NTM: variants seen among roughly 807,000 people sequenced by gnomAD.
NTM encodes neurotrimin, also known as IgLON family member 2.
Under a neutral mutation model 42.1 loss-of-function variants are expected in NTM, and 13 were observed. That is an observed-to-expected ratio of 0.31 (90% CI 0.20 to 0.49). The LOEUF is 0.49. Among genes scored for constraint, NTM ranks in the 20% least tolerant of loss-of-function variants. The pLI is 0.99. For missense variants in NTM, 373 were observed against 452.8 expected (o/e 0.82, Z 1.60); for synonymous variants, 187 against 179.2 (o/e 1.04, Z -0.35).
intron 1 of NTM, among the ~76,000 whole-genome samples, chr11:131,437,037 T>C (rs929012601): frequency 1.3e-5 from 2 of 152,202 alleles, no homozygotes; most frequent in African/African-American, 2.4e-5. Flanking sequence ...CATTTCGTTA[T>C]TTTACACAGT....
chr11:131,593,340 G>A (rs1019479782), intron 1 of NTM, among the ~76,000 whole-genome samples: 3 of 152,166 alleles, frequency 2.0e-5, no homozygotes, highest in African/African-American at 7.2e-5. Flanking sequence ...AAGTGAGGGA[G>A]CAATTGCCTG....
chr11:131,933,262 G>A (rs557213212), intron 2 of NTM, among the ~76,000 whole-genome samples: 15 of 152,164 alleles, frequency 9.9e-5, no homozygotes, highest in Non-Finnish European at 2.1e-4. Context: ...GGAGGTGGGT[G>A]CCTGCCCTAG....
At chr11:131,931,100 A>G (rs2058549292) in intron 2 of NTM, among the ~76,000 whole-genome samples, 1 of 152,302 alleles carries the variant, frequency 6.6e-6, no homozygotes, top group South Asian at 2.1e-4. Flanking sequence ...CTAATTATTA[A>G]ATTAAAAAAT....
At chr11:131,778,114 G>T (rs570934267) in intron 1 of NTM, among the ~76,000 whole-genome samples, 9 of 152,164 alleles carry the variant, frequency 5.9e-5, no homozygotes, top group African/African-American at 9.7e-5. Context: ...AGGATGAAAA[G>T]GTAAACCTGG....
chr11:132,314,597 C>T lies in NTM; in HGVS notation c.828C>T (p.Phe276=), dbSNP rs1192144274. The change falls in exon 7 of 9, where the codon TTC becomes TTT. Residue 276 remains phenylalanine, a synonymous_variant. Transcript: ENST00000683400. ...GGGTGAAAGTGGAAAACAGACCTTT[C>T]CTCTCAAAACTCATCTTCTTCAATG... ...KKGVKVENRP[F]LSKLIFFNVS... 6.2e-7 allele frequency: 1 copy of T among 1,613,782 alleles called. No homozygotes were observed. The highest frequency in any genetic ancestry group is 1.7e-5 in the Admixed American group (1 of 59,976).
intron 1 of NTM, among the ~76,000 whole-genome samples, chr11:131,582,552 T>G (rs2058500371): frequency 1.0e-5 from 1 of 96,632 alleles, no homozygotes; most frequent in Non-Finnish European, 2.1e-5. Flanking sequence ...TGTTTTGCTT[T>G]GTTAATTTTT....
chr11:131,413,032 G>A (rs1415493489), intron 1 of NTM, among the ~76,000 whole-genome samples: 3 of 152,108 alleles, frequency 2.0e-5, no homozygotes, highest in African/African-American at 7.2e-5. Flanking sequence ...GGGTGAAGAC[G>A]AGGCAGACCT....
intron 1 of NTM, among the ~76,000 whole-genome samples, chr11:131,393,138 C>T (rs1944212790): frequency 6.6e-6 from 1 of 152,152 alleles, no homozygotes; most frequent in Non-Finnish European, 1.5e-5. Flanking sequence ...AAGCAGACTG[C>T]TGCTGCAGCC....
intron 1 of NTM, among the ~76,000 whole-genome samples, chr11:131,404,759 C>T (rs762035829): frequency 3.3e-5 from 5 of 152,274 alleles, no homozygotes; most frequent in South Asian, 2.1e-4. Context: ...GAACAAGCAC[C>T]GACTTAGTCA....
At chr11:132,067,764 G>T (rs979710163) in intron 2 of NTM, among the ~76,000 whole-genome samples, 2 of 152,186 alleles carry the variant, frequency 1.3e-5, no homozygotes, top group African/African-American at 2.4e-5. Flanking sequence ...TCTGGGCTCT[G>T]GTTCCAAAGC....
At chr11:131,920,398 A>G (rs1056575040) in intron 2 of NTM, among the ~76,000 whole-genome samples, 7 of 152,086 alleles carry the variant, frequency 4.6e-5, no homozygotes, top group African/African-American at 1.7e-4. Context: ...GCATTTGGGA[A>G]TTTTACTTTT....
intron 1 of NTM, among the ~76,000 whole-genome samples, chr11:131,436,535 T>A (rs1036503366): frequency 5.3e-4 from 81 of 152,226 alleles, no homozygotes; most frequent in Non-Finnish European, 5.6e-4. Flanking sequence ...TCCAGAAATT[T>A]ATCCGTTTCT....
At chr11:132,201,309 A>G (rs1447758028) in intron 3 of NTM, among the ~76,000 whole-genome samples, 1 of 152,198 alleles carries the variant, frequency 6.6e-6, no homozygotes, top group African/African-American at 2.4e-5. Flanking sequence ...GAAGCAACTA[A>G]TGGAGTCTGG....
rs141888929 is a variant in NTM at position 131,841,485 on chromosome 11, C to T, written c.83-70079C>T. ...TCCAACCTTGGCAGCACACAAGAAT[C>T]ACTTGGGCAATTTTAAAAATCCTGA... On this transcript the variant is annotated intron_variant, in intron 1 of 8. Coordinates refer to ENST00000683400, the MANE Select transcript of NTM (RefSeq NM_001352005.2). Among the ~76,000 whole-genome samples, 1,077 of 152,334 alleles carry T rather than the reference C, an allele frequency of 7.1e-3. 11 individuals carry two copies. The highest frequency in any genetic ancestry group is 0.017 in the Middle Eastern group (5 of 294).
chr11:131,431,034 G>C (rs1948608009), intron 1 of NTM, among the ~76,000 whole-genome samples: 1 of 152,226 alleles, frequency 6.6e-6, no homozygotes, highest in African/African-American at 2.4e-5. Context: ...AGCTTGATTT[G>C]CAGCCGTTCC....
intron 1 of NTM, among the ~76,000 whole-genome samples, chr11:131,508,589 T>A (rs1358984587): frequency 6.8e-6 from 1 of 147,582 alleles, no homozygotes; most frequent in Admixed American, 6.8e-5. Flanking sequence ...TGCACACGTA[T>A]GTTTATTGTG....
chr11:132,067,718 C>G (rs2056731550), intron 2 of NTM, among the ~76,000 whole-genome samples: 1 of 152,218 alleles, frequency 6.6e-6, no homozygotes, highest in Non-Finnish European at 1.5e-5. Context: ...TTTCACTGCC[C>G]TCTGGGCCCA....
At chr11:131,967,222 CA>C (rs554961212) in intron 2 of NTM, among the ~76,000 whole-genome samples, 4 of 152,104 alleles carry the variant, frequency 2.6e-5, no homozygotes, top group Non-Finnish European at 5.9e-5. Context: ...GGGTCATCAG[CA>C]CACACATGGT....
chr11:131,777,703 T>C (rs1248816055), intron 1 of NTM, among the ~76,000 whole-genome samples: 2 of 152,114 alleles, frequency 1.3e-5, no homozygotes, highest in Non-Finnish European at 2.9e-5. Context: ...ATTGACATAC[T>C]GAGATATTAC....
Sources: gnomAD v4.1 joint callset for allele counts (sites outside exome capture counted in the v4.1 genomes callset) on GRCh38, gnomAD v4.1.1 for gene constraint, MANE v1.5 for transcripts, NCBI Gene and HGNC (gene_info 2026-07-23, HGNC 2026-07-21) for gene names.